Variants in NEBL observed in about 807,000 individuals in gnomAD.
NEBL encodes the protein nebulette, also known as LIM and SH3 protein 2.
A neutral mutation model predicts 140.2 loss-of-function variants in NEBL; 122 were observed. That is an observed-to-expected ratio of 0.87 (90% CI 0.75 to 1.01). The LOEUF (loss-of-function observed/expected upper bound fraction) is 1.01. NEBL is among the 50% of genes least tolerant of loss of function. The pLI is 0.00. For synonymous variants in NEBL, 436 were observed against 398.9 expected (o/e 1.09, Z -1.11); for missense variants, 1,365 against 1,231.3 (o/e 1.11, Z -1.62).
rs71578942 is a variant in NEBL at position 20,831,398 on chromosome 10, G to A, written c.1560+75C>T. ...TTTGAATCTCAAAGCCACCCATGTG[G>A]AAAGAAAACTTATGCTCTTTCCAGC... On this transcript the variant is annotated intron_variant, in intron 15 of 27. Coordinates refer to ENST00000377122, the MANE Select transcript of NEBL (RefSeq NM_006393.3). The A allele has an allele frequency of 9.7e-4, 1,459 of 1,506,288 alleles. 15 individuals are homozygous for A. In the African/African-American group the frequency reaches 0.018, roughly 18 times the overall value. 93.3% of individuals were successfully genotyped at this position (1,506,288 alleles called of 1,614,324 possible). A position where few individuals can be genotyped will look rare whatever the true frequency, so the allele number is the denominator to read the frequency against.
At chr10:21,087,648 C>G (rs576753313) in intron 2 of NEBL, among the ~76,000 whole-genome samples, 13 of 152,132 alleles carry the variant, frequency 8.5e-5, no homozygotes, top group Non-Finnish European at 1.9e-4. Flanking sequence ...TGGTGCCTAT[C>G]GAGTAATAAT....
At chr10:21,045,519 T>C (rs1834469967) in intron 2 of NEBL, among the ~76,000 whole-genome samples, 1 of 152,080 alleles carries the variant, frequency 6.6e-6, no homozygotes, top group Non-Finnish European at 1.5e-5. Context: ...AGAAACTGAA[T>C]AGTAAGAAAA....
At chr10:20,792,903 T>C (rs1836139961) in intron 26 of NEBL, among the ~76,000 whole-genome samples, 1 of 152,154 alleles carries the variant, frequency 6.6e-6, no homozygotes, top group African/African-American at 2.4e-5. Flanking sequence ...CTGCTCAAAT[T>C]GCTTTTACAC....
chr10:20,797,282 A>G (rs1018619689), intron 26 of NEBL, among the ~76,000 whole-genome samples: 1 of 152,230 alleles, frequency 6.6e-6, no homozygotes, highest in Admixed American at 6.5e-5. Flanking sequence ...AGAAATATGT[A>G]TTGGATCAAT....
chr10:20,947,547 T>TA (rs1315071789), intron 4 of NEBL, among the ~76,000 whole-genome samples: 1 of 152,190 alleles, frequency 6.6e-6, no homozygotes, highest in Non-Finnish European at 1.5e-5. Context: ...GATATAATTG[T>TA]AACAGTCACA....
intron 26 of NEBL, among the ~76,000 whole-genome samples, chr10:20,790,381 T>A (rs1010346174): frequency 2.0e-5 from 3 of 151,880 alleles, no homozygotes; most frequent in African/African-American, 7.3e-5. Flanking sequence ...GGTGGGCAGA[T>A]CACTGGAGGT....
At chr10:20,872,499 A>G (rs703098) in intron 5 of NEBL, among the ~76,000 whole-genome samples, 150,606 of 152,194 alleles carry the variant, frequency 0.99, 74,610 homozygotes, top group Middle Eastern at 1. Flanking sequence ...ATGGCTTCTC[A>G]CACAGATTCC....
In NEBL at chr10:20,852,613, T is replaced by C. The variant is rs1001198907; in HGVS notation, c.940A>G (p.Met314Val). The part of the protein sequence containing the change: ...YKKLFEENKG[M>V]YHFDADAVEH... ...ACAGCATCTGCATCAAAATGATACA[T>C]TCCTTTGTTTTCCTCAAAGAGCTTT... Residue 314 changes from methionine (M) to valine (V), a missense_variant, in exon 10 of 28, where the codon ATG (methionine) becomes GTG (valine). Coordinates refer to ENST00000377122, the MANE Select transcript of NEBL (RefSeq NM_006393.3). 6.2e-7 allele frequency: 1 copy of C among 1,613,678 alleles called. No individual in the cohort carries two copies. Among genetic ancestry groups the C allele is most frequent in the East Asian group, 2.2e-5 (1 of 44,826 alleles).
intron 4 of NEBL, among the ~76,000 whole-genome samples, chr10:20,927,010 C>A (rs936805436): frequency 2.0e-5 from 3 of 152,146 alleles, no homozygotes; most frequent in Non-Finnish European, 1.5e-5. Flanking sequence ...AGAAGGTCTG[C>A]ACTAGGCAGT....
intron 4 of NEBL, among the ~76,000 whole-genome samples, chr10:20,883,705 T>C (rs1234226915): frequency 6.6e-6 from 1 of 152,262 alleles, no homozygotes; most frequent in South Asian, 2.1e-4. Context: ...TGTGACTTTA[T>C]AAATGTAACC....
intron 5 of NEBL, among the ~76,000 whole-genome samples, chr10:20,876,367 T>C (rs1845504050): frequency 6.6e-6 from 1 of 152,200 alleles, no homozygotes; most frequent in South Asian, 2.1e-4. Flanking sequence ...AACTATTCTG[T>C]CTTAGAGATG....
intron 3 of NEBL, among the ~76,000 whole-genome samples, chr10:20,976,664 T>C (rs7899845): frequency 0.18 from 26,964 of 151,974 alleles, 4,945 homozygotes; most frequent in African/African-American, 0.46. Flanking sequence ...CAAATTAATG[T>C]AGAAACAGAA....
upstream of NEBL, among the ~76,000 whole-genome samples, chr10:20,900,823 T>G (rs572465136): frequency 1.4e-5 from 2 of 138,664 alleles, no homozygotes; most frequent in South Asian, 4.6e-4. Context: ...CCAGCCTAGG[T>G]GACAGAGTGA....
At chr10:21,170,671 C>T (rs1026426610) in intron 2 of NEBL, 3 of 152,614 alleles carry the variant, frequency 2.0e-5, no homozygotes, top group Non-Finnish European at 4.4e-5. Flanking sequence ...GTCCTGAATT[C>T]TGTTCAATGC....
At chr10:21,271,541 T>C (rs1045922416) in intron 1 of NEBL, among the ~76,000 whole-genome samples, 1 of 152,010 alleles carries the variant, frequency 6.6e-6, no homozygotes, top group Non-Finnish European at 1.5e-5. Flanking sequence ...TTTTTTTTTT[T>C]TCTAGATGGA....
chr10:21,160,139 A>G (rs1840496880), intron 2 of NEBL, among the ~76,000 whole-genome samples: 1 of 152,162 alleles, frequency 6.6e-6, no homozygotes, highest in East Asian at 1.9e-4. Context: ...TTTTACAGTC[A>G]ATCAACACAT....
chr10:20,823,308 A>T lies in NEBL; in HGVS notation c.1870-8T>A. 1 of 1,577,322 alleles carries T rather than the reference A, an allele frequency of 6.3e-7. No individual in the cohort carries two copies. The highest frequency in any genetic ancestry group is 8.7e-7 in the Non-Finnish European group (1 of 1,151,340). The stretch of plus-strand genomic sequence containing the variant: ...CTCTTCTTTGTATTTCACCTGCATA[A>T]TTTATAAGAATATAACGTTAACTTT... On this transcript the variant is annotated splice_polypyrimidine_tract_variant and splice_region_variant and intron_variant, in intron 18 of 27. Transcript: ENST00000377122.
chr10:21,239,815 G>C (rs180780474), intron 3 of NEBL, among the ~76,000 whole-genome samples: 1 of 152,200 alleles, frequency 6.6e-6, no homozygotes, highest in East Asian at 1.9e-4. Flanking sequence ...AGGAGATCAA[G>C]ACCATCCTAG....
At chr10:20,843,102 T>G (rs1404245678) in intron 12 of NEBL, among the ~76,000 whole-genome samples, 2 of 151,988 alleles carry the variant, frequency 1.3e-5, no homozygotes, top group Non-Finnish European at 2.9e-5. Flanking sequence ...TGGGAGGTGA[T>G]TAGGGTTAGA....
Sources: allele counts gnomAD v4.1 joint callset (sites outside exome capture counted in the v4.1 genomes callset), GRCh38; gene constraint gnomAD v4.1.1; transcripts MANE v1.5; gene names NCBI Gene and HGNC (gene_info 2026-07-23, HGNC 2026-07-21).